The following ZSCAN25 variants were observed in gnomAD, a reference collection of about 807,000 sequenced individuals.
ZSCAN25 encodes the protein zinc finger and SCAN domain-containing protein 25.
ZSCAN25 carries 27 observed loss-of-function variants against 38.7 expected under a neutral mutation model. The observed-to-expected ratio is 0.70, with a 90% CI of 0.51 to 0.96. ZSCAN25 has a LOEUF of 0.96. Ranked by LOEUF, ZSCAN25 falls within the 40% of genes least tolerant of loss-of-function variation. ZSCAN25 has a pLI of 0.00. For synonymous variants in ZSCAN25, 273 were observed against 277.7 expected, an observed-to-expected ratio of 0.98 and a Z score of 0.17; for missense variants, 637 against 705.9, an observed-to-expected ratio of 0.90 and a Z score of 1.11.
At chr7:99,707,738 C>A in the ZSCAN25 span, 19 of 1,587,848 alleles carry the variant, frequency 1.2e-5, no homozygotes, top group Non-Finnish European at 1.6e-5. Flanking sequence ...TGAGTGTATT[C>A]TTTTTTAAAT....
chr7:99,659,554 C>T, the ZSCAN25 span: 2 of 154,014 alleles, frequency 1.3e-5, no homozygotes, highest in Non-Finnish European at 2.9e-5. Flanking sequence ...TCTGTCTGTT[C>T]TCAGATCTCC....
chr7:99,709,647 A>C, the ZSCAN25 span, among the ~76,000 whole-genome samples: 1 of 152,206 alleles, frequency 6.6e-6, no homozygotes, highest in South Asian at 2.1e-4. Flanking sequence ...TAACCAAGGA[A>C]GTGAAAACAG....
chr7:99,737,356 T>G, the ZSCAN25 span, among the ~76,000 whole-genome samples: 3 of 152,210 alleles, frequency 2.0e-5, no homozygotes, highest in Non-Finnish European at 4.4e-5. Context: ...CAGAAATTGG[T>G]TGAGATTCGT....
At chr7:99,723,372 G>A in the ZSCAN25 span, among the ~76,000 whole-genome samples, 1 of 152,072 alleles carries the variant, frequency 6.6e-6, no homozygotes, top group Admixed American at 6.5e-5. Context: ...CATGCACCTT[G>A]TGACCCCCTC....
At chr7:99,652,278 AC>A in the ZSCAN25 span, 1 of 203,514 alleles carries the variant, frequency 4.9e-6, no homozygotes. Context: ...AAAAAGTGAT[AC>A]CATTCTAATT....
chr7:99,715,030 C>G, the ZSCAN25 span, among the ~76,000 whole-genome samples: 115,921 of 152,130 alleles, frequency 0.76, 47,130 homozygotes, highest in Non-Finnish European at 0.91. Context: ...TAATCATGCT[C>G]TTCAAGAAAT....
Position 99,632,228 on chromosome 7 carries a change from T to G in ZSCAN25, c.*2208T>G, listed in dbSNP as rs987441431. On this transcript the variant is annotated 3_prime_UTR_variant, in exon 8 of 8. Coordinates refer to ENST00000394152, the MANE Select transcript of ZSCAN25 (RefSeq NM_145115.3). Reference sequence around the variant, plus strand: ...CTCAGAAAAGCCTCTAAGTAGGGGGTTTTTCCCATGGGATTGTGGTAGTCT... The same window carrying G: ...CTCAGAAAAGCCTCTAAGTAGGGGGGTTTTCCCATGGGATTGTGGTAGTCT... 1.0e-5 allele frequency: 10 copies of G among 984,916 alleles called. No individual in the cohort carries two copies. In the African/African-American group the frequency reaches 1.8e-4, roughly 17 times the overall value. 61.0% of individuals were successfully genotyped at this position (984,916 alleles called of 1,614,324 possible).
the ZSCAN25 span, among the ~76,000 whole-genome samples, chr7:99,696,499 G>A: frequency 2.0e-5 from 3 of 152,216 alleles, no homozygotes; most frequent in South Asian, 2.1e-4. Flanking sequence ...CATTGGCCTC[G>A]TAGAAATGCA....
At chr7:99,714,068 A>C in the ZSCAN25 span, among the ~76,000 whole-genome samples, 1 of 152,184 alleles carries the variant, frequency 6.6e-6, no homozygotes, top group Non-Finnish European at 1.5e-5. Flanking sequence ...ACCTCTGTTC[A>C]CTCGAGGCTG....
the ZSCAN25 span, among the ~76,000 whole-genome samples, chr7:99,643,824 G>A: frequency 6.6e-6 from 1 of 151,690 alleles, no homozygotes; most frequent in Admixed American, 6.6e-5. Flanking sequence ...CAGGCACACT[G>A]TGCAGGAGGG....
chr7:99,626,098 G>A (rs1236788527), intron 7 of ZSCAN25, among the ~76,000 whole-genome samples: 2 of 152,234 alleles, frequency 1.3e-5, no homozygotes, highest in African/African-American at 4.8e-5. Context: ...ACGGTGAGGT[G>A]CAGACCTTGT....
the ZSCAN25 span, among the ~76,000 whole-genome samples, chr7:99,687,881 G>A: frequency 6.6e-6 from 1 of 152,102 alleles, no homozygotes; most frequent in South Asian, 2.1e-4. Flanking sequence ...ATTCTTAAGG[G>A]AAAGAATTTT....
chr7:99,657,418 T>G, the ZSCAN25 span, among the ~76,000 whole-genome samples: 4 of 152,232 alleles, frequency 2.6e-5, no homozygotes, highest in African/African-American at 9.6e-5. Context: ...AATCCTGAGT[T>G]CTAGTTTGAT....
the ZSCAN25 span, among the ~76,000 whole-genome samples, chr7:99,712,343 A>G: frequency 7.2e-5 from 11 of 152,194 alleles, no homozygotes; most frequent in African/African-American, 2.4e-4. Flanking sequence ...GAACCTGATG[A>G]TACTGATGTG....
intron 7 of ZSCAN25, among the ~76,000 whole-genome samples, chr7:99,626,409 C>T (rs962390612): frequency 2.6e-5 from 4 of 152,096 alleles, no homozygotes; most frequent in African/African-American, 9.7e-5. Context: ...ATTGGATTGA[C>T]GGCAGGGTAC....
the ZSCAN25 span, chr7:99,650,129 G>C: frequency 1.2e-6 from 2 of 1,614,144 alleles, no homozygotes; most frequent in South Asian, 2.2e-5. Context: ...ATTAGAGCAA[G>C]TTTCATGTTC....
intron 7 of ZSCAN25, among the ~76,000 whole-genome samples, chr7:99,627,706 T>C (rs1222717174): frequency 2.0e-5 from 3 of 151,816 alleles, no homozygotes; most frequent in African/African-American, 4.8e-5. Flanking sequence ...GTATATCTCG[T>C]ATATGCTGTA....
At chr7:99,674,146 T>C in the ZSCAN25 span, 8 of 161,932 alleles carry the variant, frequency 4.9e-5, no homozygotes, top group Middle Eastern at 2.7e-3. Context: ...ACAAAGGCTA[T>C]TTCAACTTTA....
intron 7 of ZSCAN25, among the ~76,000 whole-genome samples, chr7:99,627,641 C>T (rs1290282564): frequency 6.8e-6 from 1 of 146,780 alleles, no homozygotes; most frequent in Non-Finnish European, 1.5e-5. Context: ...AATGTGTTCC[C>T]GTTGGTATAG....
Sources: allele counts gnomAD v4.1 joint callset (sites outside exome capture counted in the v4.1 genomes callset), GRCh38; gene constraint gnomAD v4.1.1; transcripts MANE v1.5; gene names NCBI Gene and HGNC (gene_info 2026-07-23, HGNC 2026-07-21).